EPHA6: variants seen among roughly 807,000 people sequenced by gnomAD.
EPHA6 encodes the protein EPH receptor A6, also known as ephrin type-A receptor 6.
In EPHA6, 50 loss-of-function variants were observed where a neutral mutation model predicts 112.0. The observed-to-expected ratio is 0.45, with a 90% CI of 0.36 to 0.56. EPHA6 has a LOEUF of 0.56. Among genes scored for constraint, EPHA6 ranks in the 20% least tolerant of loss-of-function variants. EPHA6 has a pLI of 0.00. For missense variants in EPHA6, 1,280 were observed against 1,417.4 expected (o/e 0.90, Z 1.56); for synonymous variants, 529 against 490.7 (o/e 1.08, Z -1.03).
In EPHA6 at chr3:97,111,804, T is replaced by C. The variant is rs546724474; in HGVS notation, c.1115-114460T>C. Among the ~76,000 whole-genome samples the C allele has an allele frequency of 1.7e-3, 254 of 152,242 alleles. 1 individual carries two copies. Among genetic ancestry groups the C allele is most frequent in the African/African-American group, 5.8e-3 (242 of 41,570 alleles). ...TTGTTCAATACTCTTCCACATTCAT[T>C]TGACGGCACTGAAGCAATTAAAGCC... On this transcript the variant is annotated intron_variant, in intron 3 of 17. Coordinates refer to ENST00000389672, the MANE Select transcript of EPHA6 (RefSeq NM_001080448.3).
intron 3 of EPHA6, among the ~76,000 whole-genome samples, chr3:97,135,749 A>AT (rs1386553700): frequency 1.3e-5 from 2 of 151,688 alleles, no homozygotes; most frequent in Non-Finnish European, 2.9e-5. Flanking sequence ...TTAAAAAAAA[A>AT]AAAAAAGCCA....
In EPHA6 at chr3:97,750,069, T is replaced by C. The variant is rs2035858663; in HGVS notation, c.*1368T>C. On this transcript the variant is annotated 3_prime_UTR_variant, in exon 18 of 18. Coordinates refer to ENST00000389672, the MANE Select transcript of EPHA6 (RefSeq NM_001080448.3). ...GTTGGCTTATCAAAATTGTGCTATA[T>C]CTTATGAACAAATTAAATTATAAAA... 6.6e-6 allele frequency among the ~76,000 whole-genome samples: 1 copy of C among 152,066 alleles called. No homozygotes were observed. The highest frequency in any genetic ancestry group is 2.4e-5 in the African/African-American group (1 of 41,362).
intron 2 of EPHA6, among the ~76,000 whole-genome samples, chr3:96,953,586 C>T (rs2041639391): frequency 6.6e-6 from 1 of 152,188 alleles, no homozygotes; most frequent in African/African-American, 2.4e-5. Context: ...GCCAATTCTA[C>T]ACTCTTTTCT....
intron 10 of EPHA6, among the ~76,000 whole-genome samples, chr3:97,500,387 A>G (rs1196691470): frequency 6.6e-6 from 1 of 152,162 alleles, no homozygotes; most frequent in Admixed American, 6.5e-5. Context: ...CTCAGGAAAT[A>G]TATAGTAATG....
intron 14 of EPHA6, among the ~76,000 whole-genome samples, chr3:97,686,938 G>A (rs1441184064): frequency 6.6e-6 from 1 of 152,052 alleles, no homozygotes; most frequent in African/African-American, 2.4e-5. Flanking sequence ...ATATTTTGTG[G>A]GGGGAAATTC....
chr3:97,602,574 G>A (rs2093651466), intron 12 of EPHA6, among the ~76,000 whole-genome samples: 1 of 152,060 alleles, frequency 6.6e-6, no homozygotes, highest in Non-Finnish European at 1.5e-5. Flanking sequence ...ATTGCTCACT[G>A]TGTGTCCTTA....
chr3:97,185,417 A>G (rs2077099481), intron 3 of EPHA6, among the ~76,000 whole-genome samples: 1 of 152,180 alleles, frequency 6.6e-6, no homozygotes, highest in Admixed American at 6.5e-5. Flanking sequence ...ATATGAACAG[A>G]CACTTCTCAA....
At chr3:96,916,066 A>C (rs560124394) in intron 2 of EPHA6, among the ~76,000 whole-genome samples, 2 of 152,260 alleles carry the variant, frequency 1.3e-5, no homozygotes, top group African/African-American at 4.8e-5. Flanking sequence ...GCTGTTCATC[A>C]AGTGCTAAAA....
chr3:97,683,049 G>C (rs2031981945), intron 14 of EPHA6, among the ~76,000 whole-genome samples: 1 of 152,066 alleles, frequency 6.6e-6, no homozygotes, highest in Admixed American at 6.6e-5. Flanking sequence ...TGCTTTATTA[G>C]ATATCATTTT....
intron 6 of EPHA6, among the ~76,000 whole-genome samples, chr3:97,427,440 C>G (rs1000625853): frequency 6.6e-6 from 1 of 152,084 alleles, no homozygotes; most frequent in Admixed American, 6.5e-5. Context: ...AATGCAGGAA[C>G]AGAAAACCAA....
intron 3 of EPHA6, among the ~76,000 whole-genome samples, chr3:97,047,113 A>G (rs941880376): frequency 1.3e-5 from 2 of 151,934 alleles, no homozygotes; most frequent in African/African-American, 2.4e-5. Flanking sequence ...TGGTATAATG[A>G]TAGGGTGTAT....
At chr3:96,923,414 T>C (rs1359842203) in intron 2 of EPHA6, among the ~76,000 whole-genome samples, 3 of 152,218 alleles carry the variant, frequency 2.0e-5, no homozygotes, top group East Asian at 1.9e-4. Flanking sequence ...TTTTTACATA[T>C]AGTTGTTGAC....
At chr3:96,994,682 T>C (rs2043335853) in intron 3 of EPHA6, among the ~76,000 whole-genome samples, 1 of 141,780 alleles carries the variant, frequency 7.1e-6, no homozygotes, top group South Asian at 2.2e-4. Flanking sequence ...CTGCTGAGAA[T>C]GTGTGTGTGT....
intron 2 of EPHA6, among the ~76,000 whole-genome samples, chr3:96,913,376 A>G (rs564365809): frequency 6.6e-6 from 1 of 152,116 alleles, no homozygotes; most frequent in South Asian, 2.1e-4. Context: ...TCTCAAAAAA[A>G]AAAATAATGT....
chr3:97,516,192 A>T (rs1043084526), intron 10 of EPHA6, among the ~76,000 whole-genome samples: 1 of 152,220 alleles, frequency 6.6e-6, no homozygotes, highest in African/African-American at 2.4e-5. Flanking sequence ...CCAACTAACA[A>T]TGATACTAAA....
At chr3:97,290,454 G>A (rs1046320269) in intron 5 of EPHA6, among the ~76,000 whole-genome samples, 11 of 152,084 alleles carry the variant, frequency 7.2e-5, no homozygotes, top group Non-Finnish European at 1.3e-4. Context: ...TATTAGGTCT[G>A]ATTAGTCAAG....
In EPHA6 at chr3:97,532,213, A is replaced by G. The variant is rs556862772; in HGVS notation, c.2201-145A>G. ...TCAAGTATATTATCCTTATAAACTT[A>G]CTCTTTAAGAAAGAAATGTTTATAT... On this transcript the variant is annotated intron_variant, in intron 10 of 17. Coordinates refer to ENST00000389672, the MANE Select transcript of EPHA6 (RefSeq NM_001080448.3). 42 of 652,806 alleles carry G rather than the reference A, an allele frequency of 6.4e-5. No homozygotes were observed. In the South Asian group the frequency reaches 1.0e-3, roughly 16 times the overall value. The allele number at this position is 652,806 out of a possible 1,614,324, so 40.4% of individuals were successfully genotyped here. A position where few individuals can be genotyped will look rare whatever the true frequency, so the allele number is the denominator to read the frequency against.
intron 3 of EPHA6, among the ~76,000 whole-genome samples, chr3:97,030,817 A>G (rs1024594285): frequency 6.6e-6 from 1 of 152,010 alleles, no homozygotes; most frequent in African/African-American, 2.4e-5. Flanking sequence ...CATGTATACT[A>G]TTTGTAATGA....
At chr3:97,246,326 G>A (rs1002611170) in intron 5 of EPHA6, among the ~76,000 whole-genome samples, 3 of 151,796 alleles carry the variant, frequency 2.0e-5, no homozygotes, top group Admixed American at 6.6e-5. Flanking sequence ...ATGTAAATAT[G>A]CTTACATAAT....
Sources: allele counts gnomAD v4.1 joint callset (sites outside exome capture counted in the v4.1 genomes callset), GRCh38; gene constraint gnomAD v4.1.1; transcripts MANE v1.5; gene names NCBI Gene and HGNC (gene_info 2026-07-23, HGNC 2026-07-21).